FBXL7: variants seen among roughly 807,000 people sequenced by gnomAD.
The protein encoded by FBXL7 is F-box/LRR-repeat protein 7.
A neutral mutation model predicts 38.3 loss-of-function variants in FBXL7; 12 were observed. The observed-to-expected ratio is 0.31, with a 90% confidence interval of 0.20 to 0.51. The LOEUF (loss-of-function observed/expected upper bound fraction) is 0.51. Among genes scored for constraint, FBXL7 ranks in the 20% least tolerant of loss-of-function variants. The pLI is 0.98. For synonymous variants in FBXL7, 297 were observed against 300.9 expected (o/e 0.99, Z 0.13); for missense variants, 567 against 676.4 (o/e 0.84, Z 1.79).
intron 2 of FBXL7, among the ~76,000 whole-genome samples, chr5:15,645,533 C>T (rs548981319): frequency 3.9e-5 from 6 of 152,248 alleles, no homozygotes; most frequent in East Asian, 3.9e-4. Context: ...TTCCTGTCTT[C>T]GTAAAATGTG....
chr5:15,568,802 A>C (rs1196045391), intron 1 of FBXL7, among the ~76,000 whole-genome samples: 3 of 152,062 alleles, frequency 2.0e-5, no homozygotes, highest in Non-Finnish European at 4.4e-5. Flanking sequence ...TCAGTTTTCT[A>C]CATATGGCTA....
chr5:15,905,686 A>C (rs961918413), intron 2 of FBXL7, among the ~76,000 whole-genome samples: 4 of 152,206 alleles, frequency 2.6e-5, no homozygotes, highest in Non-Finnish European at 5.9e-5. Flanking sequence ...TGCTGGCAAG[A>C]ATTAAATATT....
rs186403277 is a variant in FBXL7, at chr5:15,896,474, C to T, written c.128-31416C>T. ...CAGCTAGGGTGTGGGAGAATCTCAC[C>T]GGGTGTGAAGATAATGGTCTTTAAG... On this transcript the variant is annotated intron_variant, in intron 2 of 3. Transcript: ENST00000504595. Among the ~76,000 whole-genome samples the T allele has an allele frequency of 2.4e-3, 363 of 152,278 alleles. 2 individuals carry two copies. Among genetic ancestry groups the T allele is most frequent in the African/African-American group, 8.4e-3 (348 of 41,554 alleles).
chr5:15,609,370 G>A (rs1420848873), intron 1 of FBXL7, among the ~76,000 whole-genome samples: 2 of 152,154 alleles, frequency 1.3e-5, no homozygotes, highest in African/African-American at 2.4e-5. Flanking sequence ...CTTTGAAGTG[G>A]GAATGCCAAA....
chr5:15,684,937 G>A (rs1347133677), intron 2 of FBXL7, among the ~76,000 whole-genome samples: 1 of 152,160 alleles, frequency 6.6e-6, no homozygotes, highest in East Asian at 1.9e-4. Flanking sequence ...AGTTAAAGCA[G>A]AAATAACCAC....
At chr5:15,648,881 C>G (rs558867377) in intron 2 of FBXL7, among the ~76,000 whole-genome samples, 1 of 150,224 alleles carries the variant, frequency 6.7e-6, no homozygotes, top group South Asian at 2.1e-4. Flanking sequence ...GTGTCCTAGT[C>G]AAGTCAATTT....
chr5:15,588,724 A>G (rs1739374706), intron 1 of FBXL7, among the ~76,000 whole-genome samples: 1 of 152,182 alleles, frequency 6.6e-6, no homozygotes, highest in Non-Finnish European at 1.5e-5. Flanking sequence ...AGGTTGTATG[A>G]AATCGGGATA....
chr5:15,659,542 A>G (rs1349474074), intron 2 of FBXL7, among the ~76,000 whole-genome samples: 1 of 152,220 alleles, frequency 6.6e-6, no homozygotes, highest in Non-Finnish European at 1.5e-5. Context: ...TATCTAAAAA[A>G]TAAAAACAAA....
Position 15,615,173 on chromosome 5 carries a change from A to G in FBXL7, c.38-810A>G, listed in dbSNP as rs560270312. On this transcript the variant is annotated intron_variant, in intron 1 of 3. Coordinates refer to ENST00000504595, the MANE Select transcript of FBXL7 (RefSeq NM_012304.5). ...TGTGACATCTGAAGAATGTTTGGTA[A>G]TATTAATGTATATGATTATATTAAA... Among the ~76,000 whole-genome samples the G allele has an allele frequency of 4.7e-4, 71 of 152,206 alleles. 1 individual carries two copies. The highest frequency in any genetic ancestry group is 9.1e-4 in the Non-Finnish European group (62 of 68,040).
At chr5:15,722,683 G>A (rs1484264605) in intron 2 of FBXL7, among the ~76,000 whole-genome samples, 1 of 152,186 alleles carries the variant, frequency 6.6e-6, no homozygotes, top group African/African-American at 2.4e-5. Context: ...AGCACTTCGG[G>A]AGGCCGAGGT....
Position 15,937,277 on chromosome 5 carries a change from C to T in FBXL7, c.*91C>T, listed in dbSNP as rs536879756. On this transcript the variant is annotated 3_prime_UTR_variant, in exon 4 of 4. Coordinates refer to ENST00000504595, the MANE Select transcript of FBXL7 (RefSeq NM_012304.5). Reference sequence around the variant, plus strand: ...GCGTATGTAAGCACCGACACCCACTCAAAACAGCTCTTTCTTCCGGGAAGG... The same window carrying T: ...GCGTATGTAAGCACCGACACCCACTTAAAACAGCTCTTTCTTCCGGGAAGG... 10 of 1,369,088 alleles carry T rather than the reference C, an allele frequency of 7.3e-6. No homozygotes were observed. The African/African-American group carries it at 1.2e-4, about 16-fold the overall frequency. 84.8% of individuals were successfully genotyped at this position (1,369,088 alleles called of 1,614,324 possible).
chr5:15,578,282 A>G (rs952092978), intron 1 of FBXL7, among the ~76,000 whole-genome samples: 3 of 152,150 alleles, frequency 2.0e-5, no homozygotes, highest in African/African-American at 7.2e-5. Flanking sequence ...GAAATAACGA[A>G]TGTATTTCTT....
At chr5:15,755,715 A>G (rs896096342) in intron 2 of FBXL7, among the ~76,000 whole-genome samples, 7 of 152,204 alleles carry the variant, frequency 4.6e-5, no homozygotes, top group Non-Finnish European at 8.8e-5. Context: ...TTTTCATTAC[A>G]CCTAGAAATA....
chr5:15,812,198 G>A (rs1418840307), intron 2 of FBXL7, among the ~76,000 whole-genome samples: 11 of 152,226 alleles, frequency 7.2e-5, no homozygotes, highest in East Asian at 3.9e-4. Context: ...GTACATGGGC[G>A]AAGCTGGAAA....
At chr5:15,889,094 C>T (rs771337676) in intron 2 of FBXL7, among the ~76,000 whole-genome samples, 20 of 151,728 alleles carry the variant, frequency 1.3e-4, no homozygotes, top group Non-Finnish European at 2.4e-4. Context: ...AAAAGTGGGG[C>T]GGGGGGAAAG....
At chr5:15,641,423 G>C (rs974669740) in intron 2 of FBXL7, among the ~76,000 whole-genome samples, 1 of 152,096 alleles carries the variant, frequency 6.6e-6, no homozygotes, top group Non-Finnish European at 1.5e-5. Flanking sequence ...GGAAGTTCTT[G>C]GTGCATGGAA....
intron 2 of FBXL7, among the ~76,000 whole-genome samples, chr5:15,925,291 G>A (rs1210390428): frequency 6.6e-6 from 1 of 152,216 alleles, no homozygotes; most frequent in African/African-American, 2.4e-5. Context: ...CTATCCCAAA[G>A]ACAGGAAGAA....
At chr5:15,887,169 G>A (rs1035918864) in intron 2 of FBXL7, among the ~76,000 whole-genome samples, 1 of 152,142 alleles carries the variant, frequency 6.6e-6, no homozygotes, top group Non-Finnish European at 1.5e-5. Flanking sequence ...TCCAATTTAA[G>A]GACTGGACTT....
intron 1 of FBXL7, among the ~76,000 whole-genome samples, chr5:15,529,951 C>T (rs538096708): frequency 2.2e-4 from 34 of 152,172 alleles, no homozygotes; most frequent in Non-Finnish European, 4.1e-4. Flanking sequence ...GGGGTGGCTT[C>T]ACGGTAGCTG....
Sources: gnomAD v4.1 joint callset for allele counts (sites outside exome capture counted in the v4.1 genomes callset) on GRCh38, gnomAD v4.1.1 for gene constraint, MANE v1.5 for transcripts, NCBI Gene and HGNC (gene_info 2026-07-23, HGNC 2026-07-21) for gene names.